The following ITGA11 variants were observed in gnomAD, a reference collection of about 807,000 sequenced individuals.
ITGA11 encodes the protein integrin subunit alpha 11.
ITGA11 carries 97 observed loss-of-function variants against 141.9 expected under a neutral mutation model. The ratio of observed to expected loss-of-function variants is 0.68; its 90% confidence interval spans 0.58 to 0.81. The LOEUF is 0.81. ITGA11 is among the 30% of genes least tolerant of loss of function. ITGA11 has a pLI of 0.00. For missense variants in ITGA11, 1,387 were observed against 1,559.2 expected (o/e 0.89, Z 1.86); for synonymous variants, 658 against 624.6 (o/e 1.05, Z -0.80).
intron 1 of ITGA11, among the ~76,000 whole-genome samples, chr15:68,425,945 C>A (rs1330634306): frequency 6.6e-6 from 1 of 152,204 alleles, no homozygotes; most frequent in Non-Finnish European, 1.5e-5. Flanking sequence ...ACCCCACATG[C>A]CACGTGGAAA....
At chr15:68,355,933 C>T (rs909838054) in intron 7 of ITGA11, among the ~76,000 whole-genome samples, 14 of 152,158 alleles carry the variant, frequency 9.2e-5, no homozygotes, top group African/African-American at 2.7e-4. Flanking sequence ...GTTTAGGCCT[C>T]GGCTCAAGAG....
chr15:68,423,948 G>A (rs1386901740), intron 1 of ITGA11, among the ~76,000 whole-genome samples: 1 of 152,112 alleles, frequency 6.6e-6, no homozygotes, highest in Non-Finnish European at 1.5e-5. Flanking sequence ...TGACCCTAAT[G>A]GACTTCGACT....
chr15:68,346,319 C>G (rs1894741819), intron 10 of ITGA11, among the ~76,000 whole-genome samples: 1 of 152,162 alleles, frequency 6.6e-6, no homozygotes, highest in African/African-American at 2.4e-5. Context: ...TCACCTTGCT[C>G]AACACTGAAC....
intron 3 of ITGA11, among the ~76,000 whole-genome samples, chr15:68,368,514 TG>T (rs749487085): frequency 5.3e-5 from 8 of 152,202 alleles, no homozygotes; most frequent in Non-Finnish European, 7.3e-5. Flanking sequence ...CTTCGGAGGC[TG>T]GGGGCTGTTC....
intron 2 of ITGA11, among the ~76,000 whole-genome samples, chr15:68,394,766 C>T (rs1347078817): frequency 6.6e-6 from 1 of 151,944 alleles, no homozygotes; most frequent in Non-Finnish European, 1.5e-5. Flanking sequence ...ATCTTATAGA[C>T]ATTGAAAAGA....
intron 10 of ITGA11, among the ~76,000 whole-genome samples, chr15:68,341,672 C>G (rs549192613): frequency 6.6e-6 from 1 of 152,348 alleles, no homozygotes; most frequent in South Asian, 2.1e-4. Context: ...TTTCCTCCCT[C>G]TCTCTGCCTG....
intron 2 of ITGA11, among the ~76,000 whole-genome samples, chr15:68,395,335 GT>G (rs1233105931): frequency 6.6e-5 from 10 of 152,158 alleles, no homozygotes; most frequent in African/African-American, 2.4e-4. Flanking sequence ...ACTTTGACGA[GT>G]TGACAGAAGT....
intron 2 of ITGA11, among the ~76,000 whole-genome samples, chr15:68,391,233 T>C (rs1896113574): frequency 1.3e-5 from 2 of 152,100 alleles, no homozygotes; most frequent in South Asian, 4.2e-4. Flanking sequence ...CCTCTCTGTT[T>C]CTCTCAGCTC....
intron 4 of ITGA11, among the ~76,000 whole-genome samples, chr15:68,363,965 A>C (rs965752328): frequency 2.6e-5 from 4 of 152,162 alleles, no homozygotes; most frequent in African/African-American, 9.7e-5. Flanking sequence ...TCTTTCCACC[A>C]CAGTGTAAGC....
intron 2 of ITGA11, among the ~76,000 whole-genome samples, chr15:68,381,912 T>A (rs74022204): frequency 0.016 from 2,493 of 152,226 alleles, 70 homozygotes; most frequent in African/African-American, 0.057. Context: ...GTCACCCAGC[T>A]AGTTAAGGGG....
In ITGA11 at chr15:68,357,140, T is replaced by A. The variant is rs749930370; in HGVS notation, c.749+11A>T. The A allele has an allele frequency of 3.5e-5, 53 of 1,526,676 alleles. 1 individual carries two copies. The highest frequency in any genetic ancestry group is 2.2e-5 in the Non-Finnish European group (25 of 1,128,276). 94.6% of individuals were successfully genotyped at this position (1,526,676 alleles called of 1,614,324 possible). ...TCTAAAAAAATTTTTTTTGTTCTACTTTTTTTTTACCGTGCAAATTCAATG... is the reference window on the plus strand; with the variant it reads ...TCTAAAAAAATTTTTTTTGTTCTACATTTTTTTTACCGTGCAAATTCAATG... On this transcript the variant is annotated intron_variant, in intron 7 of 29. Transcript: ENST00000315757.
rs371127940 is a variant in ITGA11, at chr15:68,334,700, C to T, written c.1425+997G>A. On this transcript the variant is annotated intron_variant, in intron 12 of 29. Transcript: ENST00000315757. ...ATGTGGCCTCAGCTATGTGGGTCAC[C>T]GCGATTTGGAATTCACTTAATTTAG... Among the ~76,000 whole-genome samples, 10 of 152,292 alleles carry T rather than the reference C, an allele frequency of 6.6e-5. No homozygotes were observed. In the East Asian group the frequency reaches 1.4e-3, roughly 21 times the overall value.
intron 2 of ITGA11, among the ~76,000 whole-genome samples, chr15:68,381,219 C>T (rs1452107047): frequency 6.6e-6 from 1 of 152,154 alleles, no homozygotes; most frequent in Non-Finnish European, 1.5e-5. Context: ...CTTTGTAATT[C>T]TTGGACTTGA....
chr15:68,358,977 T>C (rs1219878582), intron 5 of ITGA11, among the ~76,000 whole-genome samples: 1 of 152,162 alleles, frequency 6.6e-6, no homozygotes, highest in Non-Finnish European at 1.5e-5. Context: ...GGATTTCTGT[T>C]TTTAGGAGGG....
At chr15:68,375,617 C>G (rs1046402330) in intron 2 of ITGA11, among the ~76,000 whole-genome samples, 4 of 152,186 alleles carry the variant, frequency 2.6e-5, no homozygotes, top group Non-Finnish European at 5.9e-5. Context: ...CCTTGGCTCA[C>G]ACATCTGGTG....
rs764358739 is a variant in ITGA11, at chr15:68,315,771, C to A, written c.2716-44G>T. The A allele has an allele frequency of 4.1e-6, 6 of 1,477,442 alleles. No homozygotes were observed. In the African/African-American group the frequency reaches 8.3e-5, roughly 20 times the overall value. The allele number at this position is 1,477,442 out of a possible 1,614,324, so 91.5% of individuals were successfully genotyped here. ...ATGTCTGGGCATTGCTGGGACCAGC[C>A]CCGCCCACTCCCCACAGCCCACTCC... is the stretch of plus-strand genomic sequence containing the variant. On this transcript the variant is annotated intron_variant, in intron 21 of 29. Transcript: ENST00000315757.
chr15:68,426,053 G>A (rs1897135224), intron 1 of ITGA11, among the ~76,000 whole-genome samples: 1 of 152,236 alleles, frequency 6.6e-6, no homozygotes, highest in Non-Finnish European at 1.5e-5. Context: ...GGCTGGGGTA[G>A]GGGGTATCTG....
At chr15:68,407,117 A>G (rs999195012) in intron 1 of ITGA11, among the ~76,000 whole-genome samples, 1 of 152,002 alleles carries the variant, frequency 6.6e-6, no homozygotes, top group Non-Finnish European at 1.5e-5. Context: ...CCTAGGTCCC[A>G]TTGCCTCTGC....
chr15:68,327,799 C>T (rs980186175), intron 16 of ITGA11, among the ~76,000 whole-genome samples: 1 of 152,228 alleles, frequency 6.6e-6, no homozygotes, highest in Non-Finnish European at 1.5e-5. Context: ...CCCCACTTTT[C>T]TCCACTGGCA....
Sources: gnomAD v4.1 joint callset for allele counts (sites outside exome capture counted in the v4.1 genomes callset) on GRCh38, gnomAD v4.1.1 for gene constraint, MANE v1.5 for transcripts, NCBI Gene and HGNC (gene_info 2026-07-23, HGNC 2026-07-21) for gene names.